Variants in CAPN14 observed in about 807,000 individuals in gnomAD.
The protein encoded by CAPN14 is calpain-14.
In CAPN14, 94 loss-of-function variants were observed where a neutral mutation model predicts 101.3. That is an observed-to-expected ratio of 0.93 (90% CI 0.79 to 1.10). The LOEUF (loss-of-function observed/expected upper bound fraction) is 1.10, where lower values mean the gene tolerates loss of function less well. Among genes scored for constraint, CAPN14 ranks in the 50% least tolerant of loss-of-function variants. The pLI, the probability that CAPN14 is intolerant of heterozygous loss-of-function variation, is 0.00. For synonymous variants in CAPN14, 338 were observed against 317.9 expected, an observed-to-expected ratio of 1.06 and a Z score of -0.67; for missense variants, 837 against 828.4, an observed-to-expected ratio of 1.01 and a Z score of -0.13.
chr2:31,187,912 C>T lies in CAPN14; in HGVS notation c.1531-98G>A. 3 of 956,132 alleles carry T rather than the reference C, an allele frequency of 3.1e-6. 1 individual carries two copies. In the South Asian group the frequency reaches 4.7e-5, roughly 15 times the overall value. 59.2% of individuals were successfully genotyped at this position (956,132 alleles called of 1,614,324 possible). A position where few individuals can be genotyped will look rare whatever the true frequency, so the allele number is the denominator to read the frequency against. ...CTCATGGCTTCCAGGTTTCTGAAAT[C>T]CATGAGCTTGACTTTGCATCGTCTT... On this transcript the variant is annotated intron_variant, in intron 14 of 21. Transcript: ENST00000403897.
rs188339684 is a variant in CAPN14, at chr2:31,193,288, C to T, written c.957G>A (p.Thr319=). Residue 319 remains threonine (T), a synonymous_variant, in exon 10 of 22, where the codon ACG becomes ACA. Coordinates refer to ENST00000403897, the MANE Select transcript of CAPN14 (RefSeq NM_001145122.2). The part of the protein sequence containing the change: ...RKDNDGEFWM[T]LQDFKTHFVL... ...CGAAATGTGTTTTAAAGTCCTGCAG[C>T]GTCATCCTGTGGAGAGAAGAAGGAA... 27 of 1,551,628 alleles carry T rather than the reference C, an allele frequency of 1.7e-5. No individual in the cohort carries two copies. The Admixed American group carries it at 2.4e-4, about 14-fold the overall frequency.
At chr2:31,180,886 T>A in intron 17 of CAPN14, 50 bp downstream of exon 17, 1 of 1,472,402 alleles carries the variant, frequency 6.8e-7, no homozygotes, top group Non-Finnish European at 9.3e-7. Context: ...AGCTCCAGAG[T>A]GAAGCTCTCA....
chr2:31,187,245 C>T (rs1445294588), intron 15 of CAPN14, among the ~76,000 whole-genome samples: 1 of 152,174 alleles, frequency 6.6e-6, no homozygotes, highest in Admixed American at 6.5e-5. Context: ...CCTTGCCAGA[C>T]TCACATCTGG....
intron 1 of CAPN14, among the ~76,000 whole-genome samples, chr2:31,206,021 A>ATTTTTTTTTTTT (rs200116287): frequency 3.7e-5 from 4 of 108,752 alleles, no homozygotes; most frequent in South Asian, 3.2e-4. Context: ...CATTATCTTT[A>ATTTTTTTTTTTT]TTTTTTTTAT....
At chr2:31,176,148 G>A (rs1315745232) in intron 21 of CAPN14, among the ~76,000 whole-genome samples, 1 of 152,172 alleles carries the variant, frequency 6.6e-6, no homozygotes, top group African/African-American at 2.4e-5. Context: ...TTGCTTGCTT[G>A]TGTTTCTCCC....
chr2:31,202,261 G>A lies in CAPN14; in HGVS notation c.296-9C>T. 6.5e-7 allele frequency: 1 copy of A among 1,545,416 alleles called. No homozygotes were observed. On this transcript the variant is annotated splice_polypyrimidine_tract_variant and intron_variant, in intron 3 of 21. Transcript: ENST00000403897. The stretch of plus-strand genomic sequence containing the variant: ...CAAGAACCAGCAGTCTCCTAAGTCA[G>A]ACAGCACACAGCATCTGCATGAATC...
chr2:31,192,016 C>T lies in CAPN14; in HGVS notation c.1197G>A (p.Val399=), dbSNP rs1368399836. The T allele has an allele frequency of 3.9e-6, 6 of 1,551,532 alleles. No homozygotes were observed. The African/African-American group carries it at 6.8e-5, about 18-fold the overall frequency. ...TGGGCTTCTGGAGCAGGGACACCAG[C>T]ACGCTGCAGGGCCTCAGGGATCTCC... ...EGRRSLRPCS[V]LVSLLQKPRH... Residue 399 remains valine (V), a synonymous_variant, in exon 11 of 22, where the codon GTG becomes GTA. Coordinates refer to ENST00000403897, the MANE Select transcript of CAPN14 (RefSeq NM_001145122.2).
intron 17 of CAPN14, 40 bp from the exon 18 acceptor site, chr2:31,178,619 C>A: frequency 7.3e-7 from 1 of 1,366,626 alleles, no homozygotes. Context: ...AGGGAGAGTT[C>A]TATCCATGCT....
chr2:31,174,826 G>A, intron 21 of CAPN14, 119 bp from the exon 22 acceptor site: 1 of 921,190 alleles, frequency 1.1e-6, no homozygotes, highest in Non-Finnish European at 1.7e-6. Flanking sequence ...TTTAGCCAGA[G>A]GGAGCATATC....
intron 9 of CAPN14, 149 bp from the exon 10 acceptor site, chr2:31,193,443 A>C (rs11124250): frequency 2.7e-6 from 2 of 747,990 alleles, no homozygotes; most frequent in Non-Finnish European, 4.2e-6. Context: ...AGCTGACGAT[A>C]GGCACATCAG....
Position 31,194,047 on chromosome 2 carries a change from G to T in CAPN14, c.950+362C>A, listed in dbSNP as rs185056856. On this transcript the variant is annotated intron_variant, in intron 9 of 21. Coordinates refer to ENST00000403897, the MANE Select transcript of CAPN14 (RefSeq NM_001145122.2). Reference sequence around the variant, plus strand: ...CTGCTCTGGAGGGCACTGGTCAGGGGCCTATCCTATGACAAGACTTTGCAG... The same window carrying T: ...CTGCTCTGGAGGGCACTGGTCAGGGTCCTATCCTATGACAAGACTTTGCAG... Among the ~76,000 whole-genome samples, 274 of 152,264 alleles carry T rather than the reference G, an allele frequency of 1.8e-3. 3 individuals carry two copies. Among genetic ancestry groups the T allele is most frequent in the African/African-American group, 6.2e-3 (256 of 41,546 alleles).
upstream of CAPN14, among the ~76,000 whole-genome samples, chr2:31,221,257 C>T (rs1558639132): frequency 6.6e-6 from 1 of 152,184 alleles, no homozygotes. Flanking sequence ...TTATTCATAA[C>T]AAATAATTTG....
chr2:31,229,584 G>C (rs1302153003), intron 1 of CAPN14, among the ~76,000 whole-genome samples: 1 of 151,032 alleles, frequency 6.6e-6, no homozygotes, highest in East Asian at 1.9e-4. Flanking sequence ...GCTGAGGCAG[G>C]CTGAGAATCT....
At chr2:31,206,229 A>G (rs1378281387) in intron 1 of CAPN14, among the ~76,000 whole-genome samples, 3 of 151,666 alleles carry the variant, frequency 2.0e-5, no homozygotes, top group African/African-American at 7.3e-5. Flanking sequence ...CCTCCCAAGG[A>G]TGTCTCTCCC....
chr2:31,213,394 T>G (rs769345191), intron 1 of CAPN14, among the ~76,000 whole-genome samples: 16 of 152,274 alleles, frequency 1.1e-4, no homozygotes, highest in Non-Finnish European at 1.5e-4. Flanking sequence ...TGTCTGGTAT[T>G]GTCCGTGGCT....
intron 1 of CAPN14, chr2:31,228,325 C>T (rs908335550): frequency 6.6e-6 from 1 of 152,218 alleles, no homozygotes; most frequent in African/African-American, 2.4e-5. Flanking sequence ...TGTATCCACA[C>T]CACCCTGAAT....
At chr2:31,192,992 C>T in intron 10 of CAPN14, 139 bp downstream of exon 10, 1 of 835,680 alleles carries the variant, frequency 1.2e-6, no homozygotes, top group Admixed American at 2.5e-5. Flanking sequence ...AGCCCAGGGC[C>T]CCAACACACA....
rs765639630 is a variant in CAPN14 at position 31,186,502 on chromosome 2, T to C, written c.1588-17A>G. The C allele has an allele frequency of 4.5e-6, 7 of 1,543,322 alleles. No individual in the cohort carries two copies. Among genetic ancestry groups the C allele is most frequent in the Middle Eastern group, 1.7e-4 (1 of 5,994 alleles). On this transcript the variant is annotated splice_polypyrimidine_tract_variant and intron_variant, in intron 15 of 21. Coordinates refer to ENST00000403897, the MANE Select transcript of CAPN14 (RefSeq NM_001145122.2). ...CTCTGGATGCTAAATAGAAAGCAGA[T>C]TGGCAAGAAAAAATAACTGTTACTG...
At chr2:31,215,531 G>A (rs1369169390) in intron 1 of CAPN14, among the ~76,000 whole-genome samples, 2 of 152,148 alleles carry the variant, frequency 1.3e-5, no homozygotes, top group Admixed American at 6.5e-5. Flanking sequence ...AGGAGATGTC[G>A]CTTCCTCCTG....
Sources: allele counts gnomAD v4.1 joint callset (sites outside exome capture counted in the v4.1 genomes callset), GRCh38; gene constraint gnomAD v4.1.1; transcripts MANE v1.5; gene names NCBI Gene and HGNC (gene_info 2026-07-23, HGNC 2026-07-21).